ATP9A: variants seen among roughly 807,000 people sequenced by gnomAD.
ATP9A encodes probable phospholipid-transporting ATPase IIA.
In ATP9A, 52 loss-of-function variants were observed where a neutral mutation model predicts 144.1. The observed-to-expected ratio is 0.36, with a 90% CI of 0.29 to 0.45. ATP9A has a LOEUF of 0.45. Among genes scored for constraint, ATP9A ranks in the 20% least tolerant of loss-of-function variants. ATP9A has a pLI of 1.00. For missense variants in ATP9A, 947 were observed against 1,392.7 expected, an observed-to-expected ratio of 0.68 and a Z score of 5.09; for synonymous variants, 582 against 557.4, an observed-to-expected ratio of 1.04 and a Z score of -0.62.
At chr20:51,693,942 G>GTA (rs200049996) in intron 7 of ATP9A, 66 bp downstream of exon 7, 22 of 1,137,764 alleles carry the variant, frequency 1.9e-5, no homozygotes, top group African/African-American at 3.2e-5. Context: ...GGCCCCCCAG[G>GTA]TATGAGTTTG....
chr20:51,752,337 C>A (rs188738765), intron 1 of ATP9A, among the ~76,000 whole-genome samples: 1 of 152,204 alleles, frequency 6.6e-6, no homozygotes, highest in South Asian at 2.1e-4. Flanking sequence ...AAGACACCAA[C>A]GGAGTTTAAC....
At chr20:51,721,752 G>A (rs1172731270) in intron 3 of ATP9A, among the ~76,000 whole-genome samples, 9 of 138,650 alleles carry the variant, frequency 6.5e-5, no homozygotes, top group African/African-American at 2.2e-4. Context: ...AGTGAGCCAC[G>A]ATCACACCAC....
chr20:51,671,338 C>T (rs930979973), intron 11 of ATP9A, 81 bp from the exon 12 acceptor site: 2 of 1,505,366 alleles, frequency 1.3e-6, no homozygotes, highest in African/African-American at 2.7e-5. Context: ...GGACTCTAAA[C>T]ACATGTGCCA....
chr20:51,667,669 AAAG>A (rs2077438396), intron 13 of ATP9A, among the ~76,000 whole-genome samples: 1 of 152,108 alleles, frequency 6.6e-6, no homozygotes, highest in Non-Finnish European at 1.5e-5. Flanking sequence ...AGCAAGAAGG[AAAG>A]CCGGGCAGCT....
chr20:51,676,292 C>A, intron 9 of ATP9A, 84 bp from the exon 10 acceptor site: 1 of 1,051,504 alleles, frequency 9.5e-7, no homozygotes, highest in East Asian at 2.7e-5. Flanking sequence ...GTCTGATCCT[C>A]TTGAGAGACT....
At chr20:51,670,963 T>G (rs2077453204) in intron 12 of ATP9A, 152 bp downstream of exon 12, 3 of 927,602 alleles carry the variant, frequency 3.2e-6, no homozygotes, top group Non-Finnish European at 4.8e-6. Flanking sequence ...ATCATCTTCA[T>G]CACCAAAGAA....
intron 26 of ATP9A, among the ~76,000 whole-genome samples, chr20:51,606,149 C>T (rs539335460): frequency 1.3e-3 from 202 of 151,590 alleles, no homozygotes; most frequent in Middle Eastern, 3.4e-3. Context: ...CCCAGTTATT[C>T]GGGAGGCTGA....
intron 3 of ATP9A, among the ~76,000 whole-genome samples, chr20:51,719,728 T>C (rs1451778548): frequency 2.5e-5 from 2 of 78,850 alleles, no homozygotes; most frequent in African/African-American, 8.2e-5. Flanking sequence ...CAAGACTCTG[T>C]CTCAAAAAAA....
chr20:51,725,754 G>A, intron 3 of ATP9A, 65 bp downstream of exon 3: 3 of 1,198,484 alleles, frequency 2.5e-6, no homozygotes, highest in Non-Finnish European at 1.2e-6. Flanking sequence ...CTAAGTGAGA[G>A]AAACAAAGAA....
At chr20:51,653,951 G>A (rs893108779) in intron 14 of ATP9A, among the ~76,000 whole-genome samples, 4 of 152,000 alleles carry the variant, frequency 2.6e-5, no homozygotes, top group East Asian at 1.9e-4. Flanking sequence ...CTCTGACATC[G>A]CTATTCCACA....
intron 4 of ATP9A, among the ~76,000 whole-genome samples, chr20:51,709,382 G>A (rs1316077253): frequency 1.3e-5 from 2 of 152,122 alleles, no homozygotes; most frequent in Non-Finnish European, 2.9e-5. Context: ...GGGCATGGTG[G>A]TGCACACCTG....
chr20:51,720,736 A>G (rs2077685207), intron 3 of ATP9A, among the ~76,000 whole-genome samples: 1 of 152,174 alleles, frequency 6.6e-6, no homozygotes, highest in African/African-American at 2.4e-5. Flanking sequence ...GAGGAGGCTG[A>G]GGCATGAGAA....
chr20:51,681,029 C>T (rs541698773), intron 9 of ATP9A, among the ~76,000 whole-genome samples: 106 of 152,176 alleles, frequency 7.0e-4, no homozygotes, highest in Non-Finnish European at 1.4e-3. Flanking sequence ...CAAGGCATCT[C>T]CCATGAACTG....
chr20:51,622,656 G>A (rs1291084639), intron 18 of ATP9A, among the ~76,000 whole-genome samples: 1 of 152,148 alleles, frequency 6.6e-6, no homozygotes, highest in African/African-American at 2.4e-5. Context: ...AAATGAGTCA[G>A]GTTCTTCCGT....
chr20:51,622,355 G>A (rs888935612), intron 18 of ATP9A, among the ~76,000 whole-genome samples, 183 bp from the exon 19 acceptor site: 9 of 152,188 alleles, frequency 5.9e-5, no homozygotes, highest in African/African-American at 2.2e-4. Context: ...GGGACTCCAA[G>A]CAACCACTGC....
intron 3 of ATP9A, among the ~76,000 whole-genome samples, chr20:51,723,000 T>C (rs11699963): frequency 0.016 from 2,441 of 152,160 alleles, 28 homozygotes; most frequent in Non-Finnish European, 0.026. Flanking sequence ...TTAGTAGAGA[T>C]TGATGCCCAT....
chr20:51,614,581 A>G (rs1005317190), intron 22 of ATP9A, among the ~76,000 whole-genome samples: 2 of 152,146 alleles, frequency 1.3e-5, no homozygotes, highest in Non-Finnish European at 2.9e-5. Flanking sequence ...GATTCCAGGC[A>G]TGAGCAGCTG....
At chr20:51,693,709 C>G (rs145714817) in intron 7 of ATP9A, among the ~76,000 whole-genome samples, 4 of 152,092 alleles carry the variant, frequency 2.6e-5, no homozygotes, top group African/African-American at 7.2e-5. Flanking sequence ...GGCCTACCTT[C>G]GTAGGTTTTG....
intron 2 of ATP9A, among the ~76,000 whole-genome samples, chr20:51,727,742 C>T (rs1706137113): frequency 1.3e-5 from 2 of 151,864 alleles, no homozygotes; most frequent in Non-Finnish European, 1.5e-5. Context: ...CCAGCCTGGC[C>T]AACATGATGA....
Sources: allele counts gnomAD v4.1 joint callset (sites outside exome capture counted in the v4.1 genomes callset), GRCh38; gene constraint gnomAD v4.1.1; transcripts MANE v1.5; gene names NCBI Gene and HGNC (gene_info 2026-07-23, HGNC 2026-07-21).